Variants in TYW1 observed in about 807,000 individuals in gnomAD.
The protein encoded by TYW1 is tRNA-yW synthesizing protein 1 homolog.
In TYW1, 46 loss-of-function variants were observed where a neutral mutation model predicts 96.2. That is an observed-to-expected ratio of 0.48 (90% CI 0.38 to 0.61). The LOEUF (loss-of-function observed/expected upper bound fraction) is 0.61. TYW1 is among the 20% of genes least tolerant of loss of function. The pLI is 0.00. For missense variants in TYW1, 684 were observed against 909.6 expected (o/e 0.75, Z 3.19); for synonymous variants, 274 against 323.0 (o/e 0.85, Z 1.63).
At chr7:67,159,663 T>C (rs1192433755) in intron 13 of TYW1, among the ~76,000 whole-genome samples, 1 of 152,168 alleles carries the variant, frequency 6.6e-6, no homozygotes, top group Non-Finnish European at 1.5e-5. Flanking sequence ...TCATTCAATA[T>C]AGTCTTTTAT....
At chr7:67,030,878 G>A (rs1479434935) in intron 7 of TYW1, among the ~76,000 whole-genome samples, 4 of 151,710 alleles carry the variant, frequency 2.6e-5, no homozygotes, top group East Asian at 3.9e-4. Flanking sequence ...ATGAATGAAC[G>A]TAATAGATTA....
At chr7:67,025,181 G>A (rs184892924) in intron 7 of TYW1, among the ~76,000 whole-genome samples, 159 bp downstream of exon 7, 7 of 152,014 alleles carry the variant, frequency 4.6e-5, no homozygotes, top group East Asian at 1.9e-4. Context: ...TTTCATGAGC[G>A]TGGTGAGCAT....
chr7:67,219,437 T>G (rs932787835), intron 15 of TYW1, among the ~76,000 whole-genome samples: 2 of 152,168 alleles, frequency 1.3e-5, no homozygotes, highest in African/African-American at 4.8e-5. Flanking sequence ...CTTCAGTGTT[T>G]TGGAAAAGTT....
At chr7:67,153,182 G>A (rs1798856840) in intron 13 of TYW1, among the ~76,000 whole-genome samples, 1 of 152,172 alleles carries the variant, frequency 6.6e-6, no homozygotes, top group Non-Finnish European at 1.5e-5. Flanking sequence ...ATGGGTGGGT[G>A]TGGTGGCTCA....
intron 13 of TYW1, among the ~76,000 whole-genome samples, chr7:67,126,968 G>T (rs1273435577): frequency 6.6e-6 from 1 of 151,536 alleles, no homozygotes; most frequent in African/African-American, 2.4e-5. Context: ...TTTTTCTTTT[G>T]TGGTTTTGAG....
rs191998710 is a variant in TYW1 at position 67,139,446 on chromosome 7, C to T, written c.1698+21828C>T. ...GTACACACATGTGTATGCACACATA[C>T]ATATGCATATACACATATGTGTATA... On this transcript the variant is annotated intron_variant, in intron 13 of 15. Coordinates refer to ENST00000359626, the MANE Select transcript of TYW1 (RefSeq NM_018264.4). 8.8e-4 allele frequency among the ~76,000 whole-genome samples: 134 copies of T among 152,256 alleles called. 1 individual carries two copies. In the Middle Eastern group the frequency reaches 0.027, roughly 31 times the overall value.
intron 11 of TYW1, among the ~76,000 whole-genome samples, chr7:67,093,755 C>A (rs1796796613): frequency 3.3e-5 from 5 of 152,066 alleles, no homozygotes; most frequent in Admixed American, 3.3e-4. Context: ...GTTACATAGT[C>A]ATAAAAGAAG....
At chr7:67,193,986 T>G (rs1334916082) in intron 14 of TYW1, among the ~76,000 whole-genome samples, 1 of 152,096 alleles carries the variant, frequency 6.6e-6, no homozygotes, top group Non-Finnish European at 1.5e-5. Context: ...AAAAGTTTGA[T>G]TTGTGGGTAT....
At chr7:67,081,691 T>C (rs906082267) in intron 10 of TYW1, among the ~76,000 whole-genome samples, 1 of 151,348 alleles carries the variant, frequency 6.6e-6, no homozygotes. Flanking sequence ...CTCTCCTCTA[T>C]CCTTTCTTCC....
chr7:67,200,036 C>T (rs1320878929), intron 15 of TYW1, among the ~76,000 whole-genome samples: 2 of 152,206 alleles, frequency 1.3e-5, no homozygotes, highest in African/African-American at 4.8e-5. Flanking sequence ...ATAGTTGTTA[C>T]TGCTGCTTTT....
Position 67,055,859 on chromosome 7 carries a change from CG to C in TYW1, c.1132del (p.Val378Ter). 1.9e-6 allele frequency: 3 copies of C among 1,612,712 alleles called. No homozygotes were observed. Among genetic ancestry groups the C allele is most frequent in the Non-Finnish European group, 1.7e-6 (2 of 1,179,286 alleles). On this transcript the variant is annotated frameshift_variant, in exon 9 of 16. Coordinates refer to ENST00000359626, the MANE Select transcript of TYW1 (RefSeq NM_018264.4). LOFTEE classifies it high-confidence loss of function. The stretch of plus-strand genomic sequence containing the variant: ...GGTTATCAGTTGATTGGGAGCCACT[CG>C]GGGGTGAAGCTTTGCAGGTGGACAA... ...KQGYQLIGSH[S>X]GVKLCRWTKS... is the part of the protein sequence containing the mutation.
At chr7:67,221,305 G>A (rs575156595) in intron 15 of TYW1, among the ~76,000 whole-genome samples, 7 of 152,068 alleles carry the variant, frequency 4.6e-5, no homozygotes, top group East Asian at 1.9e-4. Context: ...TAGTAGAGCC[G>A]CTCCTGCTGT....
At chr7:67,186,599 C>T (rs1435197433) in intron 14 of TYW1, among the ~76,000 whole-genome samples, 2 of 151,846 alleles carry the variant, frequency 1.3e-5, no homozygotes, top group African/African-American at 4.9e-5. Context: ...GTGATCCTCC[C>T]ACCTCAGCCT....
intron 11 of TYW1, among the ~76,000 whole-genome samples, chr7:67,093,530 G>A (rs1222626209): frequency 1.3e-5 from 2 of 152,158 alleles, no homozygotes; most frequent in East Asian, 1.9e-4. Context: ...TTTCTACTCA[G>A]CTGCTCATGG....
chr7:67,029,440 A>G (rs1264305808), intron 7 of TYW1, among the ~76,000 whole-genome samples: 1 of 75,422 alleles, frequency 1.3e-5, no homozygotes, highest in Non-Finnish European at 2.8e-5. Flanking sequence ...TATAAATAGT[A>G]TTTTCTAGCT....
intron 15 of TYW1, among the ~76,000 whole-genome samples, chr7:67,211,138 C>A (rs975909129): frequency 6.9e-3 from 922 of 133,408 alleles, no homozygotes; most frequent in South Asian, 0.012. Flanking sequence ...CTTTGCCATA[C>A]CCCCATCAAC....
intron 11 of TYW1, among the ~76,000 whole-genome samples, chr7:67,098,098 T>G (rs956800615): frequency 1.3e-4 from 20 of 152,306 alleles, no homozygotes; most frequent in African/African-American, 4.8e-4. Context: ...CGATTAGGTC[T>G]CTTCTTTTTC....
chr7:67,090,103 A>G (rs982806172), intron 11 of TYW1, among the ~76,000 whole-genome samples: 14 of 152,216 alleles, frequency 9.2e-5, no homozygotes, highest in Admixed American at 8.5e-4. Context: ...GTACTGCAAG[A>G]CATAAAAGAT....
intron 8 of TYW1, among the ~76,000 whole-genome samples, chr7:67,053,942 A>G (rs1028952080): frequency 6.6e-6 from 1 of 152,120 alleles, no homozygotes; most frequent in African/African-American, 2.4e-5. Context: ...TTCCAAACTC[A>G]AGAGTCCACT....
Sources: gnomAD v4.1 joint callset for allele counts (sites outside exome capture counted in the v4.1 genomes callset) on GRCh38, gnomAD v4.1.1 for gene constraint, MANE v1.5 for transcripts, NCBI Gene and HGNC (gene_info 2026-07-23, HGNC 2026-07-21) for gene names.